Variants in VAX2 observed in about 807,000 individuals in gnomAD.
VAX2 encodes the protein ventral anterior homeobox 2.
In VAX2, 8 loss-of-function variants were observed where a neutral mutation model predicts 12.5. The observed-to-expected ratio is 0.64, with a 90% CI of 0.37 to 1.15. The LOEUF (loss-of-function observed/expected upper bound fraction) is 1.15. Among genes scored for constraint, VAX2 ranks in the 50% most tolerant of loss-of-function variants. The pLI is 0.01. For missense variants in VAX2, 476 were observed against 412.9 expected (o/e 1.15, Z -1.32); for synonymous variants, 183 against 187.6 (o/e 0.98, Z 0.20).
chr2:70,903,726 CTT>C, intron 1 of VAX2, among the ~76,000 whole-genome samples: 1 of 152,174 alleles, frequency 6.6e-6, no homozygotes, highest in Middle Eastern at 3.4e-3. Context: ...CCACGAACCA[CTT>C]TTGATGGGTG....
intron 1 of VAX2, among the ~76,000 whole-genome samples, chr2:70,913,191 C>T (rs1375790305): frequency 6.6e-6 from 1 of 152,114 alleles, no homozygotes; most frequent in African/African-American, 2.4e-5. Flanking sequence ...ACTCAGAAAC[C>T]CAGGCTGGTA....
In VAX2 at chr2:70,921,269, A is replaced by C; in HGVS notation, c.419A>C (p.Asn140Thr). The change falls in exon 2 of 3, where the codon AAC becomes ACC. Residue 140 changes from asparagine (N) to threonine (T), a missense_variant. Transcript: ENST00000234392. The part of the protein sequence containing the change: ...RERTELARQL[N>T]LSETQVKVWF... ...CGCACTGAGCTGGCCCGCCAGCTGA[A>C]CCTCTCCGAGACCCAGGTAAGAGAC... 2 of 1,608,700 alleles carry C rather than the reference A, an allele frequency of 1.2e-6. No individual in the cohort carries two copies. The highest frequency in any genetic ancestry group is 3.4e-5 in the Admixed American group (2 of 58,730).
At chr2:70,917,928 C>T (rs536540134) in intron 1 of VAX2, among the ~76,000 whole-genome samples, 1 of 152,286 alleles carries the variant, frequency 6.6e-6, no homozygotes, top group South Asian at 2.1e-4. Flanking sequence ...AAAATCAGTG[C>T]CTTTGAGATG....
At chr2:70,901,094 C>T (rs952574534) in intron 1 of VAX2, among the ~76,000 whole-genome samples, 9 of 152,272 alleles carry the variant, frequency 5.9e-5, no homozygotes, top group African/African-American at 2.2e-4. Flanking sequence ...GTTTCTCCGC[C>T]TCTCGGGCCA....
rs1348746656 is a variant in VAX2, at chr2:70,900,795, G to T, written c.174G>T (p.Arg58Ser). ...GTSASSPAGS[R>S]ESGADSDGQP... ...CAGCCTCCAGTCCCGCAGGCTCCAGGGAGAGTGGAGCCGACAGCGACGGGC... is the reference window on the plus strand; with the variant it reads ...CAGCCTCCAGTCCCGCAGGCTCCAGTGAGAGTGGAGCCGACAGCGACGGGC... The change falls in exon 1 of 3, where the codon AGG becomes AGT. Residue 58 changes from arginine (R) to serine (S), a missense_variant. Coordinates refer to ENST00000234392, the MANE Select transcript of VAX2 (RefSeq NM_012476.3). 1 of 1,496,662 alleles carries T rather than the reference G, an allele frequency of 6.7e-7. No homozygotes were observed. Among genetic ancestry groups the T allele is most frequent in the Non-Finnish European group, 8.9e-7 (1 of 1,123,274 alleles). 92.7% of individuals were successfully genotyped at this position (1,496,662 alleles called of 1,614,324 possible).
chr2:70,911,695 G>A (rs981534174), intron 1 of VAX2, among the ~76,000 whole-genome samples: 2 of 152,168 alleles, frequency 1.3e-5, no homozygotes, highest in African/African-American at 4.8e-5. Flanking sequence ...CCTCTAGCCC[G>A]AGTATTTTTT....
At chr2:70,916,476 C>G (rs1679307499) in intron 1 of VAX2, among the ~76,000 whole-genome samples, 1 of 152,164 alleles carries the variant, frequency 6.6e-6, no homozygotes, top group Non-Finnish European at 1.5e-5. Flanking sequence ...AGCCATGATA[C>G]AGTACTGTGG....
rs115222202 is a variant in VAX2 at position 70,926,219 on chromosome 2, G to A, written c.435+4934G>A. On this transcript the variant is annotated intron_variant, in intron 2 of 2. Transcript: ENST00000234392. ...CAGGACAAAGGGTCCACCAGAGTAGGAACAGTGAACAAGACACAGTGCAGC... is the reference window on the plus strand; with the variant it reads ...CAGGACAAAGGGTCCACCAGAGTAGAAACAGTGAACAAGACACAGTGCAGC... Among the ~76,000 whole-genome samples the A allele has an allele frequency of 8.3e-3, 1,257 of 152,252 alleles. 22 individuals are homozygous for A. The highest frequency in any genetic ancestry group is 0.029 in the African/African-American group (1,198 of 41,540).
chr2:70,932,996 C>T lies in VAX2; in HGVS notation c.665C>T (p.Pro222Leu). 6.2e-7 allele frequency: 1 copy of T among 1,604,448 alleles called. No individual in the cohort carries two copies. Among genetic ancestry groups the T allele is most frequent in the Non-Finnish European group, 8.5e-7 (1 of 1,174,384 alleles). Residue 222 changes from proline to leucine, a missense_variant, in exon 3 of 3, where the codon CCC becomes CTC. Physicochemically the swap from Pro to Leu is moderately conservative, Grantham distance 98 (BLOSUM62 -3). Transcript: ENST00000234392. ...CACAGGGGCACCTCCTTAGGTGACC[C>T]CAGGAACTCCTCCCCACGCCTCAAC... ...ASHRGTSLGD[P>L]RNSSPRLNPL...
chr2:70,904,152 C>CT lies in VAX2; in HGVS notation c.247+3285dup. On this transcript the variant is annotated intron_variant, in intron 1 of 2. Transcript: ENST00000234392. The surrounding 1 kb of genome is among the most constrained non-coding windows in gnomAD (Gnocchi z 4.2). Reference sequence around the variant, plus strand: ...TGTACCCTAAGGCCTGAGAAGGCCGCTCCACACCTCCGCGTGCACAGTCCC... The same window carrying CT: ...TGTACCCTAAGGCCTGAGAAGGCCGCTTCCACACCTCCGCGTGCACAGTCCC... Among the ~76,000 whole-genome samples, 1 of 152,370 alleles carries CT rather than the reference C, an allele frequency of 6.6e-6. No homozygotes were observed. The highest frequency in any genetic ancestry group is 1.9e-4 in the East Asian group (1 of 5,180).
At chr2:70,916,806 A>G (rs1269345726) in intron 1 of VAX2, among the ~76,000 whole-genome samples, 5 of 152,154 alleles carry the variant, frequency 3.3e-5, no homozygotes, top group African/African-American at 1.2e-4. Flanking sequence ...GGCTATTACA[A>G]ATAAAGCTGC....
At chr2:70,925,588 G>T (rs1451162617) in intron 2 of VAX2, among the ~76,000 whole-genome samples, 1 of 152,138 alleles carries the variant, frequency 6.6e-6, no homozygotes, top group Non-Finnish European at 1.5e-5. Context: ...GGGAGGGCTG[G>T]TTTTTCTCTG....
chr2:70,904,939 A>G lies in VAX2; in HGVS notation c.247+4071A>G, dbSNP rs1014830101. ...AATGGCGTGCAGCCGCCGGGGCCCTAACTCCCAGAGACGCGTCTGAAGAAG... is the reference window on the plus strand; with the variant it reads ...AATGGCGTGCAGCCGCCGGGGCCCTGACTCCCAGAGACGCGTCTGAAGAAG... On this transcript the variant is annotated intron_variant, in intron 1 of 2. Coordinates refer to ENST00000234392, the MANE Select transcript of VAX2 (RefSeq NM_012476.3). The surrounding 1 kb of genome is among the most constrained non-coding windows in gnomAD (Gnocchi z 4.2). Among the ~76,000 whole-genome samples, 9 of 152,186 alleles carry G rather than the reference A, an allele frequency of 5.9e-5. No homozygotes were observed. Among genetic ancestry groups the G allele is most frequent in the Admixed American group, 3.3e-4 (5 of 15,280 alleles).
intron 2 of VAX2, among the ~76,000 whole-genome samples, chr2:70,927,710 C>T (rs1235689550): frequency 6.6e-6 from 1 of 152,046 alleles, no homozygotes; most frequent in Non-Finnish European, 1.5e-5. Flanking sequence ...GAAACTGTGC[C>T]CATCTCCTGG....
intron 1 of VAX2, among the ~76,000 whole-genome samples, chr2:70,912,181 G>C (rs1042264443): frequency 9.2e-5 from 14 of 152,128 alleles, no homozygotes; most frequent in African/African-American, 3.4e-4. Context: ...AGTTGCTGTA[G>C]ATTTGTAACA....
chr2:70,925,042 T>C (rs1390820932), intron 2 of VAX2, among the ~76,000 whole-genome samples: 1 of 152,152 alleles, frequency 6.6e-6, no homozygotes, highest in African/African-American at 2.4e-5. Context: ...AGACGGTAAC[T>C]ATGAAGACGT....
intron 1 of VAX2, among the ~76,000 whole-genome samples, chr2:70,906,675 G>A (rs1279705155): frequency 6.6e-6 from 1 of 151,846 alleles, no homozygotes; most frequent in Non-Finnish European, 1.5e-5. Context: ...TTACAGGACT[G>A]AGCTACCGCG....
At chr2:70,910,805 C>A (rs2418652) in intron 1 of VAX2, among the ~76,000 whole-genome samples, 84,272 of 146,242 alleles carry the variant, frequency 0.58, 24,652 homozygotes, top group African/African-American at 0.69. Context: ...CAAAACAAAA[C>A]AAAAAACCCA....
chr2:70,933,410 C>G lies in VAX2; in HGVS notation c.*206C>G, dbSNP rs1354148855. The G allele has an allele frequency of 2.4e-6, 1 of 417,394 alleles. No individual in the cohort carries two copies. 25.9% of individuals were successfully genotyped at this position (417,394 alleles called of 1,614,324 possible). ...GTGCAGTGTGAGTGTGTGTGTCTCT[C>G]ACTGAAATAAAAGGAAAACAATGAC... On this transcript the variant is annotated 3_prime_UTR_variant, in exon 3 of 3. Transcript: ENST00000234392.
Sources: gnomAD v4.1 joint callset for allele counts (sites outside exome capture counted in the v4.1 genomes callset) on GRCh38, gnomAD v4.1.1 for gene constraint, Gnocchi (gnomAD v3.1) non-coding constraint, MANE v1.5 for transcripts, NCBI Gene and HGNC (gene_info 2026-07-23, HGNC 2026-07-21) for gene names.